Variants in APPBP2 observed in about 807,000 individuals in gnomAD.
The protein encoded by APPBP2 is amyloid beta precursor protein binding protein 2.
Under a neutral mutation model 76.0 loss-of-function variants are expected in APPBP2, and 15 were observed. The ratio of observed to expected loss-of-function variants is 0.20; its 90% CI spans 0.13 to 0.30. The LOEUF is 0.30. Ranked by LOEUF, APPBP2 falls within the 10% of genes least tolerant of loss-of-function variation. APPBP2 has a pLI of 1.00. For missense variants in APPBP2, 401 were observed against 687.2 expected, an observed-to-expected ratio of 0.58 and a Z score of 4.66; for synonymous variants, 222 against 242.2, an observed-to-expected ratio of 0.92 and a Z score of 0.77.
chr17:60,484,026 G>T (rs547140849), intron 3 of APPBP2, among the ~76,000 whole-genome samples: 83 of 152,252 alleles, frequency 5.5e-4, no homozygotes, highest in African/African-American at 1.9e-3. Context: ...GTTTGTCAAA[G>T]ATCAGATGGT....
chr17:60,449,715 G>T (rs2090377586), intron 12 of APPBP2, among the ~76,000 whole-genome samples: 4 of 152,084 alleles, frequency 2.6e-5, no homozygotes, highest in Admixed American at 2.0e-4. Flanking sequence ...TCAGTTTCAG[G>T]ATTGTAGATC....
intron 1 of APPBP2, among the ~76,000 whole-genome samples, chr17:60,524,907 G>T (rs1299014364): frequency 6.6e-6 from 1 of 152,350 alleles, no homozygotes; most frequent in Middle Eastern, 3.4e-3. Context: ...ACATTCAAAT[G>T]TGGGGGAGAG....
At chr17:60,469,902 T>C (rs986992864) in intron 4 of APPBP2, among the ~76,000 whole-genome samples, 7 of 152,200 alleles carry the variant, frequency 4.6e-5, no homozygotes, top group East Asian at 1.9e-4. Context: ...TGGAGTGAAA[T>C]TGCTGAGTCA....
chr17:60,489,878 T>C (rs1422252276), intron 3 of APPBP2, among the ~76,000 whole-genome samples: 1 of 151,194 alleles, frequency 6.6e-6, no homozygotes, highest in Non-Finnish European at 1.5e-5. Flanking sequence ...CTACTAAAAA[T>C]ACAAAAATTA....
intron 1 of APPBP2, among the ~76,000 whole-genome samples, chr17:60,524,701 C>T (rs747354532): frequency 6.7e-6 from 1 of 150,166 alleles, no homozygotes; most frequent in African/African-American, 2.5e-5. Flanking sequence ...ACTGTACATA[C>T]GTAAGAACAT....
chr17:60,490,171 TACAA>T (rs1209773940), intron 3 of APPBP2, among the ~76,000 whole-genome samples: 1 of 152,080 alleles, frequency 6.6e-6, no homozygotes, highest in Non-Finnish European at 1.5e-5. Context: ...CAGACACACA[TACAA>T]ACAAATGAGT....
At chr17:60,454,853 C>G (rs2143296562) in intron 10 of APPBP2, among the ~76,000 whole-genome samples, 1 of 152,206 alleles carries the variant, frequency 6.6e-6, no homozygotes, top group South Asian at 2.1e-4. Context: ...CAAGGAGTAC[C>G]TAAGCACTTC....
intron 11 of APPBP2, among the ~76,000 whole-genome samples, chr17:60,452,257 T>A (rs1234321636): frequency 6.6e-6 from 1 of 152,186 alleles, no homozygotes; most frequent in Admixed American, 6.6e-5. Context: ...AGCAATAGTA[T>A]CCTATGTCAA....
intron 3 of APPBP2, among the ~76,000 whole-genome samples, chr17:60,482,699 T>C (rs1204972038): frequency 1.3e-5 from 2 of 152,206 alleles, no homozygotes; most frequent in Admixed American, 6.6e-5. Flanking sequence ...TTTCTGTCCT[T>C]GTGATAGTTT....
At chr17:60,469,923 CTA>C (rs887776820) in intron 4 of APPBP2, among the ~76,000 whole-genome samples, 125 of 152,196 alleles carry the variant, frequency 8.2e-4, no homozygotes, top group African/African-American at 2.7e-3. Context: ...TACAGTAATT[CTA>C]TGTTTAGCTT....
chr17:60,520,422 A>C lies in APPBP2; in HGVS notation c.138+5372T>G, dbSNP rs551755790. On this transcript the variant is annotated intron_variant, in intron 1 of 12. Transcript: ENST00000083182. Reference sequence around the variant, plus strand: ...ACCCCATCTCTACTAAAAATACAAAAATCAGCTGGATGTGGTGGCAGGTGC... The same window carrying C: ...ACCCCATCTCTACTAAAAATACAAACATCAGCTGGATGTGGTGGCAGGTGC... Among the ~76,000 whole-genome samples the C allele has an allele frequency of 2.0e-5, 3 of 152,172 alleles. No homozygotes were observed. In the South Asian group the frequency reaches 6.2e-4, roughly 32 times the overall value.
At chr17:60,484,044 G>A (rs1192519422) in intron 3 of APPBP2, among the ~76,000 whole-genome samples, 1 of 152,082 alleles carries the variant, frequency 6.6e-6, no homozygotes, top group Non-Finnish European at 1.5e-5. Context: ...GGTTGTAGAT[G>A]TGTGGTATTA....
At chr17:60,487,312 C>T (rs1032697011) in intron 3 of APPBP2, among the ~76,000 whole-genome samples, 5 of 152,144 alleles carry the variant, frequency 3.3e-5, no homozygotes, top group Non-Finnish European at 5.9e-5. Flanking sequence ...CCATTCTCCC[C>T]GTCACTTTCG....
chr17:60,477,473 C>T (rs953808355), intron 4 of APPBP2: 3 of 151,958 alleles, frequency 2.0e-5, no homozygotes, highest in Non-Finnish European at 2.9e-5. Context: ...ACTAACCTCC[C>T]AAATCCCATA....
rs1283771865 is a variant in APPBP2 at position 60,479,199 on chromosome 17, G to C, written c.452C>G (p.Thr151Ser). ...KVFLSCLQLC[T>S]LHDEMLHWFR... ...CCAATGAAGCATCTCATCGTGTAGA[G>C]TACACAACTGAAGGCAGGACAGAAA... The change falls in exon 4 of 13, where the codon ACT (threonine) becomes AGT (serine). Residue 151 changes from threonine (T) to serine (S), a missense_variant. This residue lies in a region of APPBP2 where 149 missense variants were observed against 198.4 expected (regional missense o/e 0.75). Transcript: ENST00000083182. The C allele has an allele frequency of 6.2e-7, 1 of 1,613,936 alleles. No individual in the cohort carries two copies. The highest frequency in any genetic ancestry group is 8.5e-7 in the Non-Finnish European group (1 of 1,179,920).
At chr17:60,475,737 T>C (rs1385794654) in intron 4 of APPBP2, among the ~76,000 whole-genome samples, 5 of 151,934 alleles carry the variant, frequency 3.3e-5, no homozygotes, top group Non-Finnish European at 7.4e-5. Flanking sequence ...AAGTTCTTTT[T>C]ATTATTTAAA....
chr17:60,508,365 T>C (rs1834247043), intron 1 of APPBP2, among the ~76,000 whole-genome samples: 1 of 152,060 alleles, frequency 6.6e-6, no homozygotes, highest in African/African-American at 2.4e-5. Context: ...CAACCCTTTT[T>C]CGGACACAGA....
intron 5 of APPBP2, 127 bp downstream of exon 5, chr17:60,466,164 G>A (rs1165498669): frequency 2.0e-5 from 18 of 894,794 alleles, no homozygotes; most frequent in Non-Finnish European, 2.6e-5. Flanking sequence ...TTACAAATGT[G>A]TACTGCCTTA....
intron 12 of APPBP2, among the ~76,000 whole-genome samples, chr17:60,449,707 A>C (rs1037040532): frequency 2.6e-5 from 4 of 152,082 alleles, no homozygotes; most frequent in Non-Finnish European, 5.9e-5. Flanking sequence ...AAAAAAAATC[A>C]GTTTCAGGAT....
Sources: gnomAD v4.1 joint callset for allele counts (sites outside exome capture counted in the v4.1 genomes callset) on GRCh38, gnomAD v4.1.1 for gene constraint, gnomAD v4.1.1 regional missense constraint, MANE v1.5 for transcripts, NCBI Gene and HGNC (gene_info 2026-07-23, HGNC 2026-07-21) for gene names.